Variants in RUNDC3B observed in about 807,000 individuals in gnomAD.
RUNDC3B encodes the protein RUN domain-containing protein 3B.
RUNDC3B carries 33 observed loss-of-function variants against 58.4 expected under a neutral mutation model. The observed-to-expected ratio is 0.56, with a 90% CI of 0.43 to 0.75. RUNDC3B has a LOEUF of 0.75. RUNDC3B is among the 30% of genes least tolerant of loss of function. The pLI is 0.00. For missense variants in RUNDC3B, 501 were observed against 535.7 expected (o/e 0.94, Z 0.64); for synonymous variants, 193 against 195.2 (o/e 0.99, Z 0.10).
intron 2 of RUNDC3B, among the ~76,000 whole-genome samples, chr7:87,687,184 G>C (rs1367618350): frequency 6.6e-6 from 1 of 152,030 alleles, no homozygotes; most frequent in African/African-American, 2.4e-5. Context: ...TGTACAGCTA[G>C]TTTTTCCCCC....
chr7:87,643,318 T>C (rs1822637800), intron 1 of RUNDC3B, among the ~76,000 whole-genome samples: 1 of 152,128 alleles, frequency 6.6e-6, no homozygotes, highest in Non-Finnish European at 1.5e-5. Flanking sequence ...TCAGGGAAGA[T>C]GGTTGGGACT....
chr7:87,663,065 C>T (rs1019442963), intron 2 of RUNDC3B, among the ~76,000 whole-genome samples: 6 of 152,140 alleles, frequency 3.9e-5, no homozygotes, highest in Admixed American at 3.9e-4. Flanking sequence ...TATAGGAAAG[C>T]TGCTGACTTT....
chr7:87,754,109 C>G (rs1290411681), intron 6 of RUNDC3B, among the ~76,000 whole-genome samples: 1 of 152,180 alleles, frequency 6.6e-6, no homozygotes, highest in African/African-American at 2.4e-5. Flanking sequence ...TGATACTGAA[C>G]TTTCCACCTC....
rs1265665714 is a variant in RUNDC3B at position 87,830,577 on chromosome 7, T to C, written c.*547T>C. 1 of 152,178 alleles carries C rather than the reference T, an allele frequency of 6.6e-6. No individual in the cohort carries two copies. The highest frequency in any genetic ancestry group is 1.5e-5 in the Non-Finnish European group (1 of 67,876). 9.4% of individuals were successfully genotyped at this position (152,178 alleles called of 1,614,324 possible). A position where few individuals can be genotyped will look rare whatever the true frequency, so the allele number is the denominator to read the frequency against. On this transcript the variant is annotated 3_prime_UTR_variant, in exon 11 of 11. Transcript: ENST00000394654. ...AGTGGCTTATTCAGTTTTTCTTTAA[T>C]ATTTACCATTTGGTATCAATTCAGC...
At chr7:87,650,630 T>C (rs768909184) in intron 1 of RUNDC3B, among the ~76,000 whole-genome samples, 192 bp from the exon 2 acceptor site, 4 of 152,130 alleles carry the variant, frequency 2.6e-5, no homozygotes, top group Non-Finnish European at 5.9e-5. Context: ...ATAGGAAATA[T>C]ATCAATAAAA....
chr7:87,821,333 G>A (rs555172402), intron 10 of RUNDC3B, among the ~76,000 whole-genome samples: 2 of 152,200 alleles, frequency 1.3e-5, no homozygotes, highest in South Asian at 4.2e-4. Flanking sequence ...CAACTTACAA[G>A]GGATGTGAAG....
At chr7:87,661,680 C>T (rs1020917847) in intron 2 of RUNDC3B, among the ~76,000 whole-genome samples, 1 of 151,876 alleles carries the variant, frequency 6.6e-6, no homozygotes, top group African/African-American at 2.4e-5. Flanking sequence ...TCTTCCAAGT[C>T]TTGGCTATTG....
At chr7:87,823,571 C>G (rs988905256) in intron 10 of RUNDC3B, among the ~76,000 whole-genome samples, 7 of 151,936 alleles carry the variant, frequency 4.6e-5, no homozygotes, top group South Asian at 2.1e-4. Flanking sequence ...ACATCCCCTT[C>G]CCACCCCTTT....
chr7:87,820,656 C>T (rs1024352592), intron 10 of RUNDC3B, among the ~76,000 whole-genome samples: 5 of 152,048 alleles, frequency 3.3e-5, no homozygotes, highest in South Asian at 4.2e-4. Context: ...ACTAGCAAAC[C>T]GAATCCAGCA....
At chr7:87,823,018 C>T (rs1389892877) in intron 10 of RUNDC3B, among the ~76,000 whole-genome samples, 1 of 151,620 alleles carries the variant, frequency 6.6e-6, no homozygotes, top group East Asian at 1.9e-4. Context: ...TACACATGTA[C>T]CCTAAAACTT....
At chr7:87,699,119 A>AATTTAG (rs2130685104) in intron 2 of RUNDC3B, among the ~76,000 whole-genome samples, 1 of 152,322 alleles carries the variant, frequency 6.6e-6, no homozygotes, top group South Asian at 2.1e-4. Flanking sequence ...ATTATCTCAG[A>AATTTAG]CATTGGTCCT....
Position 87,770,712 on chromosome 7 carries a change from G to T in RUNDC3B, c.761G>T (p.Arg254Ile), listed in dbSNP as rs1197311491. The T allele has an allele frequency of 6.2e-7, 1 of 1,613,474 alleles. No individual in the cohort carries two copies. Among genetic ancestry groups the T allele is most frequent in the Non-Finnish European group, 8.5e-7 (1 of 1,179,572 alleles). Residue 254 changes from arginine to isoleucine, a missense_variant, in exon 7 of 11, where the codon AGA (arginine) becomes ATA (isoleucine). Arg to Ile is a moderately conservative substitution (Grantham distance 97). Transcript: ENST00000394654. ...DENSWFNKCK[R>I]VKQKYQLTLE... ...AACAGTTGGTTCAACAAGTGTAAGA[G>T]AGTTAAACAAAAGTATCAGCTTACC...
intron 2 of RUNDC3B, among the ~76,000 whole-genome samples, chr7:87,655,354 A>T (rs1823992386): frequency 6.6e-6 from 1 of 152,114 alleles, no homozygotes; most frequent in Non-Finnish European, 1.5e-5. Context: ...ATAAAAAAAA[A>T]GTTGCGTATA....
chr7:87,763,228 CAT>C (rs1833794702), intron 6 of RUNDC3B, among the ~76,000 whole-genome samples: 2 of 151,552 alleles, frequency 1.3e-5, no homozygotes, highest in Admixed American at 1.3e-4. Context: ...TCCTTTTTGA[CAT>C]ATGCTTTTGA....
chr7:87,803,509 TA>T (rs554799800), intron 8 of RUNDC3B, among the ~76,000 whole-genome samples: 98 of 152,098 alleles, frequency 6.4e-4, no homozygotes, highest in Non-Finnish European at 1.2e-3. Context: ...ATCTGCAGAG[TA>T]AAAGATCTTT....
At chr7:87,756,052 G>A (rs988336496) in intron 6 of RUNDC3B, among the ~76,000 whole-genome samples, 1 of 151,998 alleles carries the variant, frequency 6.6e-6, no homozygotes, top group Non-Finnish European at 1.5e-5. Context: ...TTTGGGATGC[G>A]GGGCAGGGCA....
chr7:87,720,776 A>G (rs7810831), intron 4 of RUNDC3B, among the ~76,000 whole-genome samples: 6,741 of 151,030 alleles, frequency 0.045, 222 homozygotes, highest in African/African-American at 0.087. Context: ...AATTTTTTGT[A>G]TTTTTAGTAG....
chr7:87,636,447 T>C (rs1821784495), intron 1 of RUNDC3B, among the ~76,000 whole-genome samples: 1 of 152,174 alleles, frequency 6.6e-6, no homozygotes, highest in Non-Finnish European at 1.5e-5. Context: ...GATGTGCAGT[T>C]CTTTGTACAT....
chr7:87,690,681 A>T (rs1431894887), intron 2 of RUNDC3B, among the ~76,000 whole-genome samples: 1 of 152,174 alleles, frequency 6.6e-6, no homozygotes, highest in Non-Finnish European at 1.5e-5. Context: ...ATGTAAATAC[A>T]AAGTGAAAGA....
Sources: allele counts gnomAD v4.1 joint callset (sites outside exome capture counted in the v4.1 genomes callset), GRCh38; gene constraint gnomAD v4.1.1; transcripts MANE v1.5; gene names NCBI Gene and HGNC (gene_info 2026-07-23, HGNC 2026-07-21).